Variants in DTWD2 observed in about 807,000 individuals in gnomAD.
DTWD2 encodes DTW motif tRNA-uridine aminocarboxypropyltransferase 2.
Under a neutral mutation model 31.8 loss-of-function variants are expected in DTWD2, and 39 were observed. The ratio of observed to expected loss-of-function variants is 1.22; its 90% CI spans 0.95 to 1.60. The LOEUF is 1.60. DTWD2 is among the 40% of genes most tolerant of loss of function. The pLI is 0.00. For synonymous variants in DTWD2, 180 were observed against 142.8 expected (o/e 1.26, Z -1.86); for missense variants, 515 against 381.5 (o/e 1.35, Z -2.92).
chr5:118,852,939 T>A (rs1752045269), intron 4 of DTWD2, among the ~76,000 whole-genome samples: 1 of 152,166 alleles, frequency 6.6e-6, no homozygotes, highest in South Asian at 2.1e-4. Context: ...TGGACGCCAT[T>A]ATCCTATGTG....
intron 4 of DTWD2, among the ~76,000 whole-genome samples, chr5:118,880,433 T>C (rs1031727473): frequency 1.2e-4 from 18 of 152,222 alleles, no homozygotes; most frequent in African/African-American, 4.1e-4. Flanking sequence ...GAATGGGGTT[T>C]TGTTTTGTTT....
chr5:118,877,658 A>G (rs1025003447), intron 4 of DTWD2, among the ~76,000 whole-genome samples: 3 of 152,106 alleles, frequency 2.0e-5, no homozygotes, highest in African/African-American at 7.2e-5. Flanking sequence ...CACTACTCCT[A>G]TTCAACACAG....
intron 4 of DTWD2, among the ~76,000 whole-genome samples, chr5:118,911,260 TA>T (rs1329460823): frequency 6.6e-6 from 1 of 152,236 alleles, no homozygotes; most frequent in Non-Finnish European, 1.5e-5. Context: ...GGTCAACAGG[TA>T]TATAATCTCT....
intron 4 of DTWD2, among the ~76,000 whole-genome samples, chr5:118,878,438 C>A (rs753574171): frequency 6.6e-6 from 1 of 152,124 alleles, no homozygotes; most frequent in Non-Finnish European, 1.5e-5. Context: ...ATAAATGGTG[C>A]TAGGATAACT....
At chr5:118,896,238 CA>C (rs1268611505) in intron 4 of DTWD2, among the ~76,000 whole-genome samples, 2 of 152,128 alleles carry the variant, frequency 1.3e-5, no homozygotes, top group African/African-American at 4.8e-5. Context: ...CTTCTAATCA[CA>C]GGTTGCAAAG....
chr5:118,881,658 T>C (rs1561439376), intron 4 of DTWD2, among the ~76,000 whole-genome samples: 1 of 152,092 alleles, frequency 6.6e-6, no homozygotes. Flanking sequence ...TCAGGAAACT[T>C]ACAATTACGG....
intron 4 of DTWD2, among the ~76,000 whole-genome samples, chr5:118,870,627 A>G (rs779697740): frequency 7.2e-5 from 11 of 152,234 alleles, no homozygotes; most frequent in Non-Finnish European, 1.3e-4. Flanking sequence ...CTGAGCCTTC[A>G]GTGAGTCATC....
chr5:118,861,321 G>T (rs1241719006), intron 4 of DTWD2, among the ~76,000 whole-genome samples: 1 of 152,228 alleles, frequency 6.6e-6, no homozygotes, highest in Non-Finnish European at 1.5e-5. Flanking sequence ...CCACTTAAAA[G>T]ATGTCCAAAC....
intron 4 of DTWD2, among the ~76,000 whole-genome samples, chr5:118,856,447 T>A (rs1161042138): frequency 6.6e-6 from 1 of 152,180 alleles, no homozygotes; most frequent in Non-Finnish European, 1.5e-5. Flanking sequence ...ATAAACAAAG[T>A]AATAAAAATT....
At chr5:118,914,675 A>C (rs920741455) in intron 4 of DTWD2, among the ~76,000 whole-genome samples, 4 of 152,232 alleles carry the variant, frequency 2.6e-5, no homozygotes, top group Admixed American at 6.5e-5. Context: ...CCAGCAATAC[A>C]TTAAAAAGAT....
chr5:118,879,472 T>C (rs902998446), intron 4 of DTWD2, among the ~76,000 whole-genome samples: 19 of 151,876 alleles, frequency 1.3e-4, no homozygotes, highest in African/African-American at 4.4e-4. Context: ...TAGCTGGGCA[T>C]GGAGGCGCAC....
Position 118,840,979 on chromosome 5 carries a change from T to C in DTWD2, c.835A>G (p.Met279Val), listed in dbSNP as rs992172501. ...LLKNGLYPKP[M>V]PKNKRKLRKM... is the part of the protein sequence containing the mutation. ...CTGAGTTTGCGTTTGTTCTTTGGCA[T>C]TGGTTTAGGATATAATCCATTTTTC... Residue 279 changes from methionine to valine, a missense_variant, in exon 6 of 6, where the codon ATG becomes GTG. By Grantham distance (21) the Met-to-Val change is conservative (BLOSUM62 1). Coordinates refer to ENST00000510708, the MANE Select transcript of DTWD2 (RefSeq NM_173666.4). 6 of 1,613,820 alleles carry C rather than the reference T, an allele frequency of 3.7e-6. No homozygotes were observed. The highest frequency in any genetic ancestry group is 5.1e-6 in the Non-Finnish European group (6 of 1,179,830).
intron 3 of DTWD2, among the ~76,000 whole-genome samples, chr5:118,930,052 A>G (rs990491864): frequency 2.0e-5 from 3 of 152,206 alleles, no homozygotes; most frequent in Non-Finnish European, 2.9e-5. Context: ...ACATAAAAGC[A>G]TCAACCATCT....
chr5:118,933,020 TAATA>T (rs1753961856), intron 3 of DTWD2, among the ~76,000 whole-genome samples: 1 of 151,590 alleles, frequency 6.6e-6, no homozygotes, highest in Non-Finnish European at 1.5e-5. Context: ...ATTAAGAAAA[TAATA>T]AATACTACAA....
intron 1 of DTWD2, chr5:118,974,610 C>T (rs777330000): frequency 2.0e-6 from 1 of 505,240 alleles, no homozygotes; most frequent in Non-Finnish European, 4.0e-6. Context: ...ATTCCAGTAA[C>T]TTTTTTGTGT....
intron 1 of DTWD2, chr5:118,973,974 GGGAGGAAGA>G: frequency 6.3e-7 from 1 of 1,584,250 alleles, no homozygotes; most frequent in Non-Finnish European, 8.7e-7. Context: ...GAAGAAGGTG[GGGAGGAAGA>G]GGAGGAGGAA....
At chr5:118,893,201 C>T (rs1753011443) in intron 4 of DTWD2, among the ~76,000 whole-genome samples, 1 of 151,600 alleles carries the variant, frequency 6.6e-6, no homozygotes, top group Non-Finnish European at 1.5e-5. Flanking sequence ...ATGGTGAAAC[C>T]CTGTCTCTAC....
intron 4 of DTWD2, among the ~76,000 whole-genome samples, chr5:118,923,366 C>T (rs1753743704): frequency 6.6e-6 from 1 of 152,094 alleles, no homozygotes; most frequent in Admixed American, 6.5e-5. Flanking sequence ...AATGCAGATG[C>T]CAGGGAGAAA....
At chr5:118,847,896 A>G (rs1250822526) in intron 5 of DTWD2, among the ~76,000 whole-genome samples, 194 bp downstream of exon 5, 3 of 146,264 alleles carry the variant, frequency 2.1e-5, no homozygotes, top group African/African-American at 8.1e-5. Flanking sequence ...TATTTAAATA[A>G]TATAATCTGG....
Sources: allele counts gnomAD v4.1 joint callset (sites outside exome capture counted in the v4.1 genomes callset), GRCh38; gene constraint gnomAD v4.1.1; transcripts MANE v1.5; gene names NCBI Gene and HGNC (gene_info 2026-07-23, HGNC 2026-07-21).